The following CADM2 variants were observed in gnomAD, a reference collection of about 807,000 sequenced individuals.
The protein encoded by CADM2 is immunoglobulin superfamily member 4D.
Under a neutral mutation model 49.8 loss-of-function variants are expected in CADM2, and 12 were observed. The ratio of observed to expected loss-of-function variants is 0.24; its 90% CI spans 0.15 to 0.39. CADM2 has a LOEUF of 0.39. CADM2 is among the 10% of genes least tolerant of loss of function. The pLI is 1.00. For synonymous variants in CADM2, 214 were observed against 175.4 expected, an observed-to-expected ratio of 1.22 and a Z score of -1.74; for missense variants, 378 against 492.3, an observed-to-expected ratio of 0.77 and a Z score of 2.20.
chr3:85,025,235 G>C (rs189724880), intron 1 of CADM2, among the ~76,000 whole-genome samples: 1 of 152,042 alleles, frequency 6.6e-6, no homozygotes, highest in Non-Finnish European at 1.5e-5. Context: ...ATTATTTTTG[G>C]TTTATATTAT....
At chr3:85,113,178 C>T (rs576479718) in intron 1 of CADM2, among the ~76,000 whole-genome samples, 45 of 152,124 alleles carry the variant, frequency 3.0e-4, no homozygotes, top group African/African-American at 9.9e-4. Context: ...TGAGTGAATA[C>T]TTTGTTACAG....
intron 1 of CADM2, among the ~76,000 whole-genome samples, chr3:85,644,714 C>G (rs183864080): frequency 6.6e-6 from 1 of 152,172 alleles, no homozygotes; most frequent in East Asian, 1.9e-4. Context: ...TGTGAAAGCC[C>G]TTAGCCAAAA....
At chr3:85,332,994 G>A (rs917764486) in intron 1 of CADM2, among the ~76,000 whole-genome samples, 10 of 151,648 alleles carry the variant, frequency 6.6e-5, no homozygotes, top group East Asian at 1.9e-4. Flanking sequence ...GTTTTGCTTC[G>A]TGTACAATAA....
chr3:85,999,275 G>GT (rs1050676518), intron 8 of CADM2, among the ~76,000 whole-genome samples: 7 of 151,280 alleles, frequency 4.6e-5, no homozygotes, highest in South Asian at 2.1e-4. Context: ...GAGGGTTGGG[G>GT]GGTGGATCAC....
intron 3 of CADM2, among the ~76,000 whole-genome samples, chr3:85,877,301 T>G (rs1712016332): frequency 6.6e-6 from 1 of 152,172 alleles, no homozygotes; most frequent in Non-Finnish European, 1.5e-5. Context: ...TAAAATATTT[T>G]TAAATAAAAT....
intron 7 of CADM2, among the ~76,000 whole-genome samples, chr3:85,941,557 G>T (rs1375609909): frequency 6.6e-6 from 1 of 151,996 alleles, no homozygotes. Flanking sequence ...ATCCAAAATA[G>T]TTAAAACGAG....
At chr3:85,673,885 A>G (rs548906787) in intron 1 of CADM2, among the ~76,000 whole-genome samples, 1 of 152,294 alleles carries the variant, frequency 6.6e-6, no homozygotes, top group African/African-American at 2.4e-5. Context: ...GAATTAAGAC[A>G]TTTGTATTAG....
At position 85,101,364 on chromosome 3, in the gene CADM2, A is replaced by G. The variant is rs572440039; in HGVS notation, c.61+141696A>G. On this transcript the variant is annotated intron_variant, in intron 1 of 9. Coordinates refer to ENST00000383699, the MANE Select transcript of CADM2 (RefSeq NM_001167675.2). ...ATGTTATTCTATGTTGCTAGTGTCT[A>G]GTTGTTTTGTAATACCACATTGCCT... is the stretch of plus-strand genomic sequence containing the variant. 3.9e-5 allele frequency among the ~76,000 whole-genome samples: 6 copies of G among 152,282 alleles called. No homozygotes were observed. In the East Asian group the frequency reaches 7.8e-4, roughly 20 times the overall value.
At chr3:85,467,056 T>C (rs1399520963) in intron 1 of CADM2, among the ~76,000 whole-genome samples, 1 of 152,296 alleles carries the variant, frequency 6.6e-6, no homozygotes, top group South Asian at 2.1e-4. Flanking sequence ...AAATTCCTCT[T>C]AGACAGATGC....
chr3:85,300,644 G>A (rs552608757), intron 1 of CADM2, among the ~76,000 whole-genome samples: 2 of 152,142 alleles, frequency 1.3e-5, no homozygotes, highest in South Asian at 2.1e-4. Context: ...ATGTGCTATG[G>A]AACAACCACA....
chr3:85,129,481 A>T (rs1340903013), intron 1 of CADM2, among the ~76,000 whole-genome samples: 3 of 152,210 alleles, frequency 2.0e-5, no homozygotes, highest in Non-Finnish European at 4.4e-5. Context: ...TTATAAAAAT[A>T]TTCTGAAACT....
At chr3:85,928,229 G>T (rs1426168254) in intron 6 of CADM2, among the ~76,000 whole-genome samples, 2 of 150,842 alleles carry the variant, frequency 1.3e-5, no homozygotes, top group Non-Finnish European at 2.9e-5. Flanking sequence ...CACGATCTCG[G>T]CTCACTGTAA....
intron 1 of CADM2, among the ~76,000 whole-genome samples, chr3:85,494,335 A>T (rs2039797062): frequency 6.6e-6 from 1 of 152,160 alleles, no homozygotes; most frequent in Non-Finnish European, 1.5e-5. Context: ...GTTCCAATTC[A>T]TTTGCTTTAT....
chr3:85,557,024 C>T (rs2061976474), intron 1 of CADM2, among the ~76,000 whole-genome samples: 1 of 151,986 alleles, frequency 6.6e-6, no homozygotes, highest in Non-Finnish European at 1.5e-5. Context: ...TTGTGGTAAC[C>T]TTGTGAGAGC....
intron 7 of CADM2, among the ~76,000 whole-genome samples, chr3:85,943,233 T>G (rs1722191444): frequency 2.1e-5 from 3 of 141,816 alleles, no homozygotes; most frequent in South Asian, 4.6e-4. Context: ...TTCTGGATAT[T>G]AGCCCTTTGT....
At chr3:85,905,677 A>G (rs1000043978) in intron 5 of CADM2, among the ~76,000 whole-genome samples, 4 of 152,086 alleles carry the variant, frequency 2.6e-5, no homozygotes, top group African/African-American at 9.7e-5. Flanking sequence ...ATTAGTAAAA[A>G]AGGAAATAAC....
chr3:85,429,798 A>G (rs72907253), intron 1 of CADM2, among the ~76,000 whole-genome samples: 6,045 of 152,220 alleles, frequency 0.04, 405 homozygotes, highest in African/African-American at 0.14. Context: ...CCCACTTCCT[A>G]TTTGTGTATG....
intron 1 of CADM2, among the ~76,000 whole-genome samples, chr3:85,274,910 T>C (rs1361855906): frequency 1.3e-5 from 2 of 151,316 alleles, no homozygotes; most frequent in East Asian, 3.9e-4. Flanking sequence ...ACACTGAAAG[T>C]GCAGGGGAGT....
intron 1 of CADM2, among the ~76,000 whole-genome samples, chr3:85,527,574 C>A (rs1398279962): frequency 7.3e-6 from 1 of 137,854 alleles, no homozygotes; most frequent in Non-Finnish European, 1.6e-5. Flanking sequence ...ACAATGACAT[C>A]TCAAAAGACT....
Sources: gnomAD v4.1 joint callset for allele counts (sites outside exome capture counted in the v4.1 genomes callset) on GRCh38, gnomAD v4.1.1 for gene constraint, MANE v1.5 for transcripts, NCBI Gene and HGNC (gene_info 2026-07-23, HGNC 2026-07-21) for gene names.